PCDH9: variants seen among roughly 807,000 people sequenced by gnomAD.
PCDH9 encodes the protein protocadherin 9, also known as protocadherin-9.
PCDH9 carries 24 observed loss-of-function variants against 70.6 expected under a neutral mutation model. That is an observed-to-expected ratio of 0.34 (90% confidence interval 0.25 to 0.48). PCDH9 has a LOEUF of 0.48. Among genes scored for constraint, PCDH9 ranks in the 20% least tolerant of loss-of-function variants. The pLI, the probability that PCDH9 is intolerant of heterozygous loss-of-function variation, is 0.99. For synonymous variants in PCDH9, 562 were observed against 558.5 expected (o/e 1.01, Z -0.09); for missense variants, 1,281 against 1,503.6 (o/e 0.85, Z 2.45).
intron 3 of PCDH9, among the ~76,000 whole-genome samples, chr13:66,648,135 G>A (rs766224423): frequency 3.3e-5 from 5 of 152,186 alleles, no homozygotes; most frequent in Admixed American, 6.5e-5. Context: ...TAAACTCAAT[G>A]CTCTGAAGAG....
chr13:66,970,627 A>G (rs773967119), intron 2 of PCDH9, among the ~76,000 whole-genome samples: 65 of 54,322 alleles, frequency 1.2e-3, no homozygotes, highest in Non-Finnish European at 2.0e-3. Flanking sequence ...ACCCTGTCTG[A>G]AAAAAAAAAA....
At chr13:66,983,818 G>GTT in intron 2 of PCDH9, among the ~76,000 whole-genome samples, 1 of 148,710 alleles carries the variant, frequency 6.7e-6, no homozygotes, top group African/African-American at 2.5e-5. Context: ...CGTTTTTTTT[G>GTT]TTTTTTTTTG....
intron 4 of PCDH9, among the ~76,000 whole-genome samples, chr13:66,610,786 G>C (rs2077285042): frequency 6.6e-6 from 1 of 152,118 alleles, no homozygotes; most frequent in Non-Finnish European, 1.5e-5. Context: ...AATAAAGAGA[G>C]GCTTTGAAAA....
At chr13:66,726,017 T>C (rs1322236167) in intron 3 of PCDH9, among the ~76,000 whole-genome samples, 1 of 152,208 alleles carries the variant, frequency 6.6e-6, no homozygotes, top group Non-Finnish European at 1.5e-5. Context: ...CATCAACGTA[T>C]ACAATGACAG....
intron 3 of PCDH9, among the ~76,000 whole-genome samples, chr13:66,738,036 G>A (rs1444920825): frequency 6.6e-6 from 1 of 152,290 alleles, no homozygotes; most frequent in Middle Eastern, 3.4e-3. Context: ...CTCCACCTCT[G>A]GGGGCAGGGC....
chr13:67,161,509 A>T (rs1376797802), intron 2 of PCDH9, among the ~76,000 whole-genome samples: 2 of 152,190 alleles, frequency 1.3e-5, no homozygotes, highest in African/African-American at 4.8e-5. Flanking sequence ...CTTGTTCTAA[A>T]CACAGTTTAA....
At chr13:66,749,353 C>T (rs541633734) in intron 3 of PCDH9, among the ~76,000 whole-genome samples, 1 of 152,288 alleles carries the variant, frequency 6.6e-6, no homozygotes, top group East Asian at 1.9e-4. Flanking sequence ...CACCCTCTTG[C>T]ACCCACCGCA....
chr13:66,385,812 C>T (rs1427837938), intron 4 of PCDH9, among the ~76,000 whole-genome samples: 1 of 152,040 alleles, frequency 6.6e-6, no homozygotes, highest in Non-Finnish European at 1.5e-5. Flanking sequence ...TCAAATATTG[C>T]CTTTCTAGTA....
intron 4 of PCDH9, among the ~76,000 whole-genome samples, chr13:66,346,028 T>C (rs192119737): frequency 4.6e-5 from 7 of 152,128 alleles, no homozygotes; most frequent in East Asian, 1.9e-4. Flanking sequence ...AGATGGTAAA[T>C]AGCTAATGGA....
intron 2 of PCDH9, among the ~76,000 whole-genome samples, chr13:66,960,318 T>G (rs2083326138): frequency 6.6e-6 from 1 of 152,216 alleles, no homozygotes; most frequent in South Asian, 2.1e-4. Flanking sequence ...TAAATATTTC[T>G]AAGCAATGCC....
At chr13:66,793,813 C>CTGT (rs2080198118) in intron 3 of PCDH9, among the ~76,000 whole-genome samples, 1 of 152,064 alleles carries the variant, frequency 6.6e-6, no homozygotes, top group Non-Finnish European at 1.5e-5. Context: ...TAAAATAATG[C>CTGT]TGTTACATTC....
intron 2 of PCDH9, among the ~76,000 whole-genome samples, chr13:67,029,697 G>T (rs890844330): frequency 6.6e-6 from 1 of 151,910 alleles, no homozygotes; most frequent in Non-Finnish European, 1.5e-5. Context: ...TTTCCAATTA[G>T]GAAAACATAT....
chr13:67,021,526 A>G (rs1384771343), intron 2 of PCDH9, among the ~76,000 whole-genome samples: 1 of 152,168 alleles, frequency 6.6e-6, no homozygotes, highest in Non-Finnish European at 1.5e-5. Flanking sequence ...TTTATATGCC[A>G]CTATGAATGT....
intron 2 of PCDH9, among the ~76,000 whole-genome samples, chr13:67,200,675 C>T (rs1171760570): frequency 6.6e-6 from 1 of 152,074 alleles, no homozygotes; most frequent in Non-Finnish European, 1.5e-5. Flanking sequence ...TCCACGTCAC[C>T]TCCTTGTAAC....
chr13:67,118,168 C>T (rs774412783), intron 2 of PCDH9, among the ~76,000 whole-genome samples: 10 of 151,826 alleles, frequency 6.6e-5, no homozygotes, highest in African/African-American at 2.4e-4. Context: ...AATTCTGCTG[C>T]GGATACTTGA....
intron 3 of PCDH9, among the ~76,000 whole-genome samples, chr13:66,896,292 T>C (rs2082177399): frequency 6.6e-6 from 1 of 152,134 alleles, no homozygotes; most frequent in Non-Finnish European, 1.5e-5. Flanking sequence ...AATGAAGTAA[T>C]TCATAAGGCC....
At chr13:67,156,847 G>A (rs1435857644) in intron 2 of PCDH9, among the ~76,000 whole-genome samples, 2 of 152,072 alleles carry the variant, frequency 1.3e-5, no homozygotes, top group East Asian at 1.9e-4. Flanking sequence ...ACAGCCTGCC[G>A]TCTGTATGCT....
chr13:66,934,885 T>C (rs891841410), intron 2 of PCDH9, among the ~76,000 whole-genome samples: 8 of 148,658 alleles, frequency 5.4e-5, no homozygotes, highest in African/African-American at 1.5e-4. Flanking sequence ...CACGCCCGGC[T>C]AATTTTTTGT....
At position 66,575,082 on chromosome 13, in the gene PCDH9, A is replaced by G. The variant is rs1488522978; in HGVS notation, c.3340+56128T>C. ...CAGCTACTCGGGAGGCAGAGGCAGG[A>G]GAAGTTCTTGAACCTGGGAAGCAGA... On this transcript the variant is annotated intron_variant, in intron 4 of 4. Transcript: ENST00000377865. Among the ~76,000 whole-genome samples, 69 of 152,088 alleles carry G rather than the reference A, an allele frequency of 4.5e-4. 2 individuals carry two copies. The highest frequency in any genetic ancestry group is 1.3e-4 in the Non-Finnish European group (9 of 67,994).
Sources: allele counts gnomAD v4.1 joint callset (sites outside exome capture counted in the v4.1 genomes callset), GRCh38; gene constraint gnomAD v4.1.1; transcripts MANE v1.5; gene names NCBI Gene and HGNC (gene_info 2026-07-23, HGNC 2026-07-21).